The following SPTAN1 variants were observed in gnomAD, a reference collection of about 807,000 sequenced individuals.
The protein encoded by SPTAN1 is spectrin alpha chain, non-erythrocytic 1.
Under a neutral mutation model 331.3 loss-of-function variants are expected in SPTAN1, and 61 were observed. That is an observed-to-expected ratio of 0.18 (90% confidence interval 0.15 to 0.23). The LOEUF is 0.23. Ranked by LOEUF, SPTAN1 falls within the 10% of genes least tolerant of loss-of-function variation. The probability of loss-of-function intolerance (pLI) is 1.00; values close to 1 mark genes in which losing one functional copy is unlikely to be tolerated. For synonymous variants in SPTAN1, 1,153 were observed against 1,173.9 expected (o/e 0.98, Z 0.36); for missense variants, 2,043 against 3,147.9 (o/e 0.65, Z 8.40).
chr9:128,570,326 ATATATTTTTTTT>A (rs1293294413), intron 3 of SPTAN1, among the ~76,000 whole-genome samples: 405 of 43,092 alleles, frequency 9.4e-3, no homozygotes, highest in Non-Finnish European at 0.012. Context: ...ATATATATAT[ATATATTTTTTTT>A]TTTTTTTTTT....
rs563940869 is a variant in SPTAN1, at chr9:128,585,626, G to C, written c.2561-122G>C. 1.3e-5 allele frequency: 11 copies of C among 834,580 alleles called. No individual in the cohort carries two copies. The Admixed American group carries it at 1.4e-4, about 10-fold the overall frequency. The allele number at this position is 834,580 out of a possible 1,614,324, so 51.7% of individuals were successfully genotyped here. ...TCTCAAAAAAAATGGAATTATGAAA[G>C]GGCACAGCTCACCAAAACATAGTAA... is the stretch of plus-strand genomic sequence containing the variant. On this transcript the variant is annotated intron_variant, in intron 18 of 56. Coordinates refer to ENST00000372739, the MANE Select transcript of SPTAN1 (RefSeq NM_001130438.3).
At position 128,615,927 on chromosome 9, in the gene SPTAN1, T is replaced by A. The variant is rs115487948; in HGVS notation, c.5357+87T>A. ...CAGGCTGACTGTTGAGTGGTGAGGC[T>A]GGAAACCCTGCTGGACTGGGATCCC... is the stretch of plus-strand genomic sequence containing the variant. On this transcript the variant is annotated intron_variant, in intron 41 of 56. Transcript: ENST00000372739. The A allele has an allele frequency of 1.2e-4, 167 of 1,433,280 alleles. No individual in the cohort carries two copies. In the African/African-American group the frequency reaches 2.2e-3, roughly 19 times the overall value. 88.8% of individuals were successfully genotyped at this position (1,433,280 alleles called of 1,614,324 possible). A position where few individuals can be genotyped will look rare whatever the true frequency, so the allele number is the denominator to read the frequency against.
At chr9:128,623,997 C>A (rs1184741022) in intron 45 of SPTAN1, among the ~76,000 whole-genome samples, 2 of 146,928 alleles carry the variant, frequency 1.4e-5, no homozygotes, top group Admixed American at 1.4e-4. Context: ...GCAGGAGAAT[C>A]TCTTGAACCC....
At chr9:128,603,466 T>C in intron 27 of SPTAN1, 77 bp from the exon 28 acceptor site, 2 of 1,541,466 alleles carry the variant, frequency 1.3e-6, no homozygotes. Context: ...AGGGACCTAA[T>C]CAATGACACT....
At chr9:128,561,450 T>C (rs1401274197) in intron 1 of SPTAN1, among the ~76,000 whole-genome samples, 3 of 148,916 alleles carry the variant, frequency 2.0e-5, no homozygotes, top group African/African-American at 7.4e-5. Context: ...GATCACGAGG[T>C]CAAGAGATCG....
At position 128,581,009 on chromosome 9, in the gene SPTAN1, C is replaced by G. The variant is rs763477441; in HGVS notation, c.1411C>G (p.Leu471Val). ...QQYEQCMDLQ[L>V]FYRDTEQVDN... is the part of the protein sequence containing the mutation. ...GTACGAGCAGTGCATGGACCTGCAG[C>G]TCTTCTACCGGGACACTGAGCAGGT... The change falls in exon 11 of 57, where the codon CTC becomes GTC. Residue 471 changes from leucine to valine, a missense_variant. Around this residue, in one of 12 missense-constraint regions of SPTAN1, gnomAD observed 1,038 missense variants for 1,531.5 expected, o/e 0.68. Transcript: ENST00000372739. 1.2e-6 allele frequency: 2 copies of G among 1,614,106 alleles called. No individual in the cohort carries two copies. Among genetic ancestry groups the G allele is most frequent in the Admixed American group, 3.3e-5 (2 of 60,020 alleles).
At chr9:128,561,031 A>AG (rs1278845602) in intron 1 of SPTAN1, among the ~76,000 whole-genome samples, 2 of 150,238 alleles carry the variant, frequency 1.3e-5, no homozygotes, top group African/African-American at 2.4e-5. Context: ...AAAAAAAAAA[A>AG]AAAAGAAGTG....
In SPTAN1 at chr9:128,577,773, C is replaced by T. The variant is rs1851475570; in HGVS notation, c.1085+267C>T. Among the ~76,000 whole-genome samples, 1 of 152,170 alleles carries T rather than the reference C, an allele frequency of 6.6e-6. No homozygotes were observed. The highest frequency in any genetic ancestry group is 2.1e-4 in the South Asian group (1 of 4,832). On this transcript the variant is annotated intron_variant, in intron 8 of 56. Transcript: ENST00000372739. This position sits in a 1 kb window ranked among gnomAD's most constrained non-coding sequence, Gnocchi z 4.2. ...AGAATGGGAATGTCCCTTTAAGTAT[C>T]TGAGTATCACATGAAATATCTTATT...
At chr9:128,582,267 G>C (rs1852036393) in intron 12 of SPTAN1, among the ~76,000 whole-genome samples, 1 of 152,196 alleles carries the variant, frequency 6.6e-6, no homozygotes, top group African/African-American at 2.4e-5. Flanking sequence ...GTCTTGAATG[G>C]AGGTAGTGCA....
At chr9:128,553,255 C>G (rs1341581891) in intron 1 of SPTAN1, 1 of 152,294 alleles carries the variant, frequency 6.6e-6, no homozygotes, top group Non-Finnish European at 1.5e-5. Context: ...TGGCGAATCT[C>G]TGCCGTCTCT....
Position 128,626,489 on chromosome 9 carries a change from C to A in SPTAN1, c.6378C>A (p.Asn2126Lys). 6.2e-7 allele frequency: 1 copy of A among 1,614,220 alleles called. No homozygotes were observed. Among genetic ancestry groups the A allele is most frequent in the Non-Finnish European group, 8.5e-7 (1 of 1,180,050 alleles). ...ACTTAACAGACCCCGTGCGCTGCAA[C>A]TCCTTGGAAGAAATCAAAGCTTTGC... ...EEDLTDPVRC[N>K]SLEEIKALRE... Residue 2126 changes from asparagine to lysine, a missense_variant, in exon 49 of 57, where the codon AAC becomes AAA. Physicochemically the swap from Asn to Lys is moderately conservative, Grantham distance 94. Around this residue, in one of 12 missense-constraint regions of SPTAN1, gnomAD observed 256 missense variants for 376.4 expected, o/e 0.68. Transcript: ENST00000372739.
chr9:128,583,636 C>A, intron 15 of SPTAN1, 152 bp from the exon 16 acceptor site: 1 of 835,898 alleles, frequency 1.2e-6, no homozygotes, highest in Non-Finnish European at 1.9e-6. Context: ...AGAGCAGAGG[C>A]TGCAATTGAT....
At chr9:128,631,282 AC>A (rs1306366567) in intron 52 of SPTAN1, 1 of 151,928 alleles carries the variant, frequency 6.6e-6, no homozygotes, top group Non-Finnish European at 1.5e-5. Flanking sequence ...ACATGGGGAA[AC>A]CCCATCTCTA....
chr9:128,578,013 A>C, intron 8 of SPTAN1, 97 bp from the exon 9 acceptor site: 10 of 1,338,206 alleles, frequency 7.5e-6, no homozygotes, highest in East Asian at 2.3e-5. Context: ...ATAGTTTGTT[A>C]GACATTTGAG....
chr9:128,598,925 C>T lies in SPTAN1; in HGVS notation c.3520-38C>T, dbSNP rs200590385. ...AAGTATTCTTGAGAGATGTGTATTT[C>T]TTCTAATAATAAAACTGGTTTCTCT... On this transcript the variant is annotated intron_variant, in intron 25 of 56. Coordinates refer to ENST00000372739, the MANE Select transcript of SPTAN1 (RefSeq NM_001130438.3). 8.9e-5 allele frequency: 143 copies of T among 1,598,626 alleles called. 2 individuals carry two copies. The South Asian group carries it at 1.4e-3, about 16-fold the overall frequency.
At chr9:128,626,265 G>C in intron 48 of SPTAN1, 126 bp from the exon 49 acceptor site, 1 of 1,214,384 alleles carries the variant, frequency 8.2e-7, no homozygotes, top group Non-Finnish European at 1.2e-6. Flanking sequence ...GAGCAGAGGG[G>C]AGCTAAGCTC....
intron 17 of SPTAN1, 59 bp from the exon 18 acceptor site, chr9:128,584,662 A>C: frequency 6.2e-7 from 1 of 1,614,148 alleles, no homozygotes. Context: ...AAGAATGACA[A>C]ATCAGTGCTG....
Position 128,633,526 on chromosome 9 carries a change from G to C in SPTAN1, c.*192G>C, listed in dbSNP as rs1860181764. 2 of 1,139,620 alleles carry C rather than the reference G, an allele frequency of 1.8e-6. No homozygotes were observed. The highest frequency in any genetic ancestry group is 2.4e-5 in the East Asian group (1 of 42,282). The allele number at this position is 1,139,620 out of a possible 1,614,324, so 70.6% of individuals were successfully genotyped here. ...ATCATCATGTCACTGTGGGGACCCA[G>C]ATCTGTGTCTTGAAGCAGCTGCCCT... On this transcript the variant is annotated 3_prime_UTR_variant, in exon 57 of 57. Transcript: ENST00000372739.
At position 128,608,228 on chromosome 9, in the gene SPTAN1, G is replaced by A. The variant is rs767505153; in HGVS notation, c.4443G>A (p.Glu1481=). The A allele has an allele frequency of 9.3e-6, 15 of 1,614,154 alleles. No individual in the cohort carries two copies. The South Asian group carries it at 1.6e-4, about 18-fold the overall frequency. Residue 1481 remains glutamate (E), a synonymous_variant, in exon 34 of 57, where the codon GAG becomes GAA. Coordinates refer to ENST00000372739, the MANE Select transcript of SPTAN1 (RefSeq NM_001130438.3). The part of the protein sequence containing the change: ...EDKGDSLDSV[E]ALIKKHEDFD... ...AAGGAGACTCACTGGACAGCGTAGA[G>A]GCTCTGATCAAAAAACATGAAGACT...
Sources: gnomAD v4.1 joint callset for allele counts (sites outside exome capture counted in the v4.1 genomes callset) on GRCh38, gnomAD v4.1.1 for gene constraint, gnomAD v4.1.1 regional missense constraint, Gnocchi (gnomAD v3.1) non-coding constraint, MANE v1.5 for transcripts, NCBI Gene and HGNC (gene_info 2026-07-23, HGNC 2026-07-21) for gene names.